Variants in CELF5 observed in about 807,000 individuals in gnomAD.
CELF5 encodes the protein CUG-BP and ETR-3 like factor 5.
In CELF5, 6 loss-of-function variants were observed where a neutral mutation model predicts 54.9. The ratio of observed to expected loss-of-function variants is 0.11; its 90% CI spans 0.06 to 0.22. The LOEUF is 0.22. Ranked by LOEUF, CELF5 falls within the 10% of genes least tolerant of loss-of-function variation. CELF5 has a pLI of 1.00. For missense variants in CELF5, 401 were observed against 678.6 expected, an observed-to-expected ratio of 0.59 and a Z score of 4.54; for synonymous variants, 271 against 290.9, an observed-to-expected ratio of 0.93 and a Z score of 0.70.
In CELF5 at chr19:3,280,396, C is replaced by T. The variant is rs2080128799; in HGVS notation, c.604-803C>T. 2.0e-5 allele frequency among the ~76,000 whole-genome samples: 3 copies of T among 151,426 alleles called. No homozygotes were observed. In the South Asian group the frequency reaches 6.3e-4, roughly 32 times the overall value. On this transcript the variant is annotated intron_variant, in intron 5 of 12. Coordinates refer to ENST00000292672, the MANE Select transcript of CELF5 (RefSeq NM_021938.4). ...GACCAGCCTGGCCAACATAGTGAAA[C>T]CCCGTCTCTACTAAAAATAAAAAAA...
rs904838196 is a variant in CELF5, at chr19:3,228,888, G to A, written c.259+3890G>A. Among the ~76,000 whole-genome samples, 804 of 148,778 alleles carry A rather than the reference G, an allele frequency of 5.4e-3. 5 individuals are homozygous for A. Among genetic ancestry groups the A allele is most frequent in the Middle Eastern group, 0.024 (7 of 290 alleles). ...AGGGTTGGCCGGCGTGTGTGTGTGT[G>A]TGTGTGTGTGTGTGTGTGTGTGTGT... On this transcript the variant is annotated intron_variant, in intron 1 of 12. Transcript: ENST00000292672. This position sits in a 1 kb window ranked among gnomAD's most constrained non-coding sequence, Gnocchi z 6.0.
At chr19:3,285,014 T>C (rs59656659) in intron 9 of CELF5, 50 bp downstream of exon 9, 850,862 of 1,429,702 alleles carry the variant, frequency 0.6, 261,759 homozygotes, top group Middle Eastern at 0.67. Flanking sequence ...CGCCCCCGCC[T>C]AGGGCCCCGC....
intron 4 of CELF5, among the ~76,000 whole-genome samples, chr19:3,277,543 C>CT (rs5826806): frequency 9.4e-5 from 14 of 148,938 alleles, no homozygotes; most frequent in East Asian, 5.8e-4. Flanking sequence ...CAATGAAGTG[C>CT]TTTTTTTTTC....
intron 2 of CELF5, among the ~76,000 whole-genome samples, chr19:3,256,639 G>A (rs976346311): frequency 2.0e-4 from 31 of 151,342 alleles, no homozygotes; most frequent in Non-Finnish European, 5.9e-5. Flanking sequence ...CGCGATCTCG[G>A]CTCACTGCAA....
At chr19:3,241,065 CT>C (rs529201613) in intron 1 of CELF5, among the ~76,000 whole-genome samples, 2,891 of 139,336 alleles carry the variant, frequency 0.021, 39 homozygotes, top group Non-Finnish European at 0.031. Context: ...AAGATCAGTT[CT>C]TTTTTTTTTT....
intron 10 of CELF5, among the ~76,000 whole-genome samples, chr19:3,289,027 G>A (rs1452320612): frequency 1.3e-5 from 2 of 152,132 alleles, no homozygotes; most frequent in Non-Finnish European, 2.9e-5. Context: ...ATCCATCAGG[G>A]ATTTGGAGAG....
At chr19:3,283,889 C>T (rs1322997905) in intron 8 of CELF5, among the ~76,000 whole-genome samples, 3 of 152,008 alleles carry the variant, frequency 2.0e-5, no homozygotes, top group Admixed American at 2.0e-4. Context: ...GTGGCGTGAT[C>T]ATAGCTCGCT....
Position 3,281,182 on chromosome 19 carries a change from C to T in CELF5, c.604-17C>T, listed in dbSNP as rs747864470. 39 of 1,597,978 alleles carry T rather than the reference C, an allele frequency of 2.4e-5. No individual in the cohort carries two copies. The highest frequency in any genetic ancestry group is 3.3e-4 in the Middle Eastern group (2 of 6,066). On this transcript the variant is annotated splice_polypyrimidine_tract_variant and intron_variant, in intron 5 of 12. Coordinates refer to ENST00000292672, the MANE Select transcript of CELF5 (RefSeq NM_021938.4). This position sits in a 1 kb window ranked among gnomAD's most constrained non-coding sequence, Gnocchi z 6.5. ...CTCCCAGCCCGTTTCCCTCCCTGCT[C>T]GCCGCTGCCCCTGCAGGGAGCCTCC...
Position 3,286,036 on chromosome 19 carries a change from C to G in CELF5, c.1186+11C>G. The G allele has an allele frequency of 6.4e-7, 1 of 1,562,244 alleles. No individual in the cohort carries two copies. Among genetic ancestry groups the G allele is most frequent in the Non-Finnish European group, 8.6e-7 (1 of 1,163,984 alleles). Reference sequence around the variant, plus strand: ...AGCAGCAGCGAGAAGGTGAGGCGGCCGCAACCTCCCCTGGGCGCCAGCCCC... The same window carrying G: ...AGCAGCAGCGAGAAGGTGAGGCGGCGGCAACCTCCCCTGGGCGCCAGCCCC... On this transcript the variant is annotated intron_variant, in intron 10 of 12. Transcript: ENST00000292672.
In CELF5 at chr19:3,268,055, G is replaced by A. The variant is rs56229199; in HGVS notation, c.343-5817G>A. 0.28 allele frequency among the ~76,000 whole-genome samples: 42,501 copies of A among 152,042 alleles called. 7,270 individuals are homozygous for A. The highest frequency in any genetic ancestry group is 0.76 in the East Asian group (3,951 of 5,172). On this transcript the variant is annotated intron_variant, in intron 2 of 12. Transcript: ENST00000292672. The surrounding 1 kb of genome is among the most constrained non-coding windows in gnomAD (Gnocchi z 4.4). ...GCTCTGTCGCCCAGGCTGGAGTGCA[G>A]TGATTTGATCTCAGCTCACTGCAAC... is the stretch of plus-strand genomic sequence containing the variant.
chr19:3,236,147 C>A (rs1917591435), intron 1 of CELF5, among the ~76,000 whole-genome samples: 1 of 152,074 alleles, frequency 6.6e-6, no homozygotes, highest in Non-Finnish European at 1.5e-5. Context: ...GACACCAGGG[C>A]CTCAGCACAG....
intron 2 of CELF5, among the ~76,000 whole-genome samples, chr19:3,254,397 T>C (rs1211430321): frequency 4.6e-5 from 7 of 151,526 alleles, no homozygotes; most frequent in Non-Finnish European, 1.0e-4. Flanking sequence ...CACCCACACA[T>C]CCATCATCCA....
chr19:3,241,577 G>A (rs994113722), intron 1 of CELF5, among the ~76,000 whole-genome samples: 3 of 152,142 alleles, frequency 2.0e-5, no homozygotes, highest in African/African-American at 7.2e-5. Context: ...TGGGGTGGGA[G>A]TGGCTGGGGC....
In CELF5 at chr19:3,228,699, G is replaced by C. The variant is rs866340018; in HGVS notation, c.259+3701G>C. The stretch of plus-strand genomic sequence containing the variant: ...CTGCCGGCTCGACTCGGGAGGGGGG[G>C]AGGAGGAGGCTGTAGCAGGCTGAGC... On this transcript the variant is annotated intron_variant, in intron 1 of 12. Transcript: ENST00000292672. This position sits in a 1 kb window ranked among gnomAD's most constrained non-coding sequence, Gnocchi z 6.0. Among the ~76,000 whole-genome samples the C allele has an allele frequency of 3.3e-5, 5 of 151,732 alleles. No homozygotes were observed. Among genetic ancestry groups the C allele is most frequent in the South Asian group, 2.1e-4 (1 of 4,804 alleles).
chr19:3,248,879 TTCC>T (rs2079605389), intron 1 of CELF5, among the ~76,000 whole-genome samples: 1 of 130,276 alleles, frequency 7.7e-6, no homozygotes, highest in Non-Finnish European at 1.6e-5. Flanking sequence ...CCTTCCTTCC[TTCC>T]TTCCTTCCTT....
chr19:3,255,047 C>G (rs1182359029), intron 2 of CELF5, among the ~76,000 whole-genome samples: 1 of 152,186 alleles, frequency 6.6e-6, no homozygotes, highest in African/African-American at 2.4e-5. Context: ...AAATTTTTAT[C>G]AAGCACCTAC....
At chr19:3,269,115 T>C (rs766396574) in intron 2 of CELF5, among the ~76,000 whole-genome samples, 1 of 152,016 alleles carries the variant, frequency 6.6e-6, no homozygotes, top group African/African-American at 2.4e-5. Context: ...GCAGCCCAGA[T>C]AAGGGGTCCA....
intron 12 of CELF5, chr19:3,294,923 G>C (rs2080410974): frequency 6.6e-6 from 1 of 152,224 alleles, no homozygotes; most frequent in Non-Finnish European, 1.5e-5. Flanking sequence ...TGTTCTTTTG[G>C]AAAAGATGGG....
At chr19:3,295,643 C>T (rs1421472010) in intron 12 of CELF5, 1 of 152,300 alleles carries the variant, frequency 6.6e-6, no homozygotes, top group Non-Finnish European at 1.5e-5. Context: ...TCTCCAGGGC[C>T]GTTGGGCTCT....
Sources: allele counts gnomAD v4.1 joint callset (sites outside exome capture counted in the v4.1 genomes callset), GRCh38; gene constraint gnomAD v4.1.1; non-coding constraint Gnocchi (gnomAD v3.1); transcripts MANE v1.5; gene names NCBI Gene and HGNC (gene_info 2026-07-23, HGNC 2026-07-21).